The following NRXN1 variants were observed in gnomAD, a reference collection of about 807,000 sequenced individuals.
NRXN1 encodes neurexin 1, also known as neurexin-1.
Under a neutral mutation model 150.9 loss-of-function variants are expected in NRXN1, and 39 were observed. The observed-to-expected ratio is 0.26, with a 90% CI of 0.20 to 0.34. NRXN1 has a LOEUF of 0.34. Among genes scored for constraint, NRXN1 ranks in the 10% least tolerant of loss-of-function variants. The pLI, the probability that NRXN1 is intolerant of heterozygous loss-of-function variation, is 1.00. For synonymous variants in NRXN1, 924 were observed against 757.0 expected, an observed-to-expected ratio of 1.22 and a Z score of -3.62; for missense variants, 1,815 against 1,949.9, an observed-to-expected ratio of 0.93 and a Z score of 1.30.
rs776779952 is a variant in NRXN1 at position 50,922,673 on chromosome 2, T to C, written c.805A>G (p.Met269Val). The C allele has an allele frequency of 8.7e-6, 14 of 1,610,478 alleles. No individual in the cohort carries two copies. The highest frequency in any genetic ancestry group is 1.1e-5 in the Non-Finnish European group (13 of 1,178,208). Residue 269 changes from methionine (M) to valine (V), a missense_variant, in exon 4 of 23, where the codon ATG becomes GTG. By Grantham distance (21) the Met-to-Val change is conservative. This residue lies in a region of NRXN1 where 554 missense variants were observed against 478.8 expected (regional missense o/e 1.16). Coordinates refer to ENST00000401669, the MANE Select transcript of NRXN1 (RefSeq NM_001330078.2). ...DNNVEGLAHL[M>V]MGDQGKSKGK... ...GAGCCCATACCTTGGTCGCCCATCA[T>C]CAGGTGCGCCAGACCTTGAAGGGAA...
At chr2:50,236,761 A>T in intron 18 of NRXN1, 28 bp downstream of exon 18, 1 of 1,608,560 alleles carries the variant, frequency 6.2e-7, no homozygotes, top group Non-Finnish European at 8.5e-7. Context: ...AAAAAGTAAA[A>T]GCTGAATCTT....
At chr2:50,312,613 C>A in intron 17 of NRXN1, 1 of 444,816 alleles carries the variant, frequency 2.2e-6, no homozygotes, top group South Asian at 1.6e-5. Flanking sequence ...AGGCTCTCAT[C>A]CTACACACAT....
intron 17 of NRXN1, among the ~76,000 whole-genome samples, chr2:50,262,002 T>G (rs1482920372): frequency 6.6e-6 from 1 of 151,906 alleles, no homozygotes; most frequent in Non-Finnish European, 1.5e-5. Flanking sequence ...ATTCTGAGTT[T>G]AAAATGTCAC....
intron 17 of NRXN1, among the ~76,000 whole-genome samples, chr2:50,383,983 G>C (rs970882389): frequency 1.3e-5 from 2 of 152,146 alleles, no homozygotes; most frequent in African/African-American, 4.8e-5. Context: ...CTAGATGCCT[G>C]ACCTTTGTCA....
intron 17 of NRXN1, among the ~76,000 whole-genome samples, chr2:50,437,717 T>C (rs2085567230): frequency 6.6e-6 from 1 of 152,052 alleles, no homozygotes; most frequent in African/African-American, 2.4e-5. Context: ...TTTGTGTGTG[T>C]GTGTGTGTGT....
chr2:50,251,612 C>T lies in NRXN1; in HGVS notation c.3365-14642G>A, dbSNP rs556605769. On this transcript the variant is annotated intron_variant, in intron 17 of 22. Coordinates refer to ENST00000401669, the MANE Select transcript of NRXN1 (RefSeq NM_001330078.2). ...GGTCTTTGAGGAATTGGCACACTGT[C>T]TTCCACACTGGTTGAACTAATTTAC... is the stretch of plus-strand genomic sequence containing the variant. Among the ~76,000 whole-genome samples, 8 of 152,274 alleles carry T rather than the reference C, an allele frequency of 5.3e-5. No individual in the cohort carries two copies. In the South Asian group the frequency reaches 1.5e-3, roughly 28 times the overall value.
At chr2:50,516,376 G>T (rs963215936) in intron 12 of NRXN1, among the ~76,000 whole-genome samples, 2 of 152,112 alleles carry the variant, frequency 1.3e-5, no homozygotes, top group Non-Finnish European at 2.9e-5. Context: ...TATAAGTTTT[G>T]TGCTTATTTA....
At chr2:50,421,924 C>G (rs1261969991) in intron 17 of NRXN1, among the ~76,000 whole-genome samples, 2 of 151,982 alleles carry the variant, frequency 1.3e-5, no homozygotes, top group East Asian at 3.9e-4. Flanking sequence ...TTAAATAAAC[C>G]CTTCAGTGGA....
chr2:50,614,747 A>AC (rs1444463738), intron 8 of NRXN1, among the ~76,000 whole-genome samples: 1 of 148,882 alleles, frequency 6.7e-6, no homozygotes, highest in Non-Finnish European at 1.5e-5. Context: ...AAAAAAAAAA[A>AC]AAAAAAAACT....
chr2:50,350,441 G>A (rs1456617406), intron 17 of NRXN1, among the ~76,000 whole-genome samples: 1 of 152,134 alleles, frequency 6.6e-6, no homozygotes, highest in East Asian at 1.9e-4. Context: ...TGTGAGAGCT[G>A]AAACAAGAAG....
intron 15 of NRXN1, among the ~76,000 whole-genome samples, chr2:50,493,890 T>A (rs1016531710): frequency 2.0e-5 from 3 of 152,234 alleles, no homozygotes; most frequent in Non-Finnish European, 4.4e-5. Flanking sequence ...TATATCTTAA[T>A]ACTATGTAAT....
intron 2 of NRXN1, among the ~76,000 whole-genome samples, chr2:50,973,261 C>T (rs72874529): frequency 0.02 from 2,995 of 152,180 alleles, 47 homozygotes; most frequent in East Asian, 0.087. Context: ...ACAAATCAGA[C>T]CGACTCTCTC....
chr2:50,465,574 C>A lies in NRXN1; in HGVS notation c.3245-13G>T. On this transcript the variant is annotated splice_polypyrimidine_tract_variant and intron_variant, in intron 16 of 22. Coordinates refer to ENST00000401669, the MANE Select transcript of NRXN1 (RefSeq NM_001330078.2). ...GTTGTGCTGGGCCCTGCAAAACAATCCAAAGGAAACTTGGGTTCTTTAAAA... is the reference window on the plus strand; with the variant it reads ...GTTGTGCTGGGCCCTGCAAAACAATACAAAGGAAACTTGGGTTCTTTAAAA... 6.3e-7 allele frequency: 1 copy of A among 1,594,422 alleles called. No homozygotes were observed. The highest frequency in any genetic ancestry group is 2.3e-5 in the East Asian group (1 of 44,296).
intron 17 of NRXN1, among the ~76,000 whole-genome samples, chr2:50,396,100 A>G (rs944200756): frequency 4.6e-5 from 7 of 152,172 alleles, no homozygotes; most frequent in African/African-American, 1.7e-4. Context: ...TTCTAATTCA[A>G]TATCCTAATG....
chr2:50,373,638 GAAAGAAAGAAA>G (rs2080217736), intron 17 of NRXN1, among the ~76,000 whole-genome samples: 1 of 77,504 alleles, frequency 1.3e-5, no homozygotes, highest in Non-Finnish European at 2.8e-5. Context: ...AAGAAAGAAA[GAAAGAAAGAAA>G]GAAAGAAAGA....
At chr2:50,752,291 G>T (rs1030661304) in intron 5 of NRXN1, among the ~76,000 whole-genome samples, 1 of 151,920 alleles carries the variant, frequency 6.6e-6, no homozygotes, top group Non-Finnish European at 1.5e-5. Context: ...GGCTTCTGAA[G>T]ATGGAAATAC....
chr2:50,762,624 G>C (rs963083707), intron 5 of NRXN1, among the ~76,000 whole-genome samples: 1 of 151,804 alleles, frequency 6.6e-6, no homozygotes, highest in African/African-American at 2.4e-5. Flanking sequence ...TATTCACTTA[G>C]GATAATGGCA....
chr2:50,543,024 G>C (rs2093423228), intron 9 of NRXN1, among the ~76,000 whole-genome samples: 1 of 152,060 alleles, frequency 6.6e-6, no homozygotes, highest in African/African-American at 2.4e-5. Flanking sequence ...GATAATTGAA[G>C]ACAATTGAGT....
At chr2:50,658,439 T>TGTGTGTGTGTGTGTGTGTGTGTGTGTGTG (rs1553935244) in intron 5 of NRXN1, among the ~76,000 whole-genome samples, 1 of 151,610 alleles carries the variant, frequency 6.6e-6, no homozygotes, top group Admixed American at 6.6e-5. Flanking sequence ...TGTGTGTGTG[T>TGTGTGTGTGTGTGTGTGTGTGTGTGTGTG]TTGAGGCAGG....
Sources: gnomAD v4.1 joint callset for allele counts (sites outside exome capture counted in the v4.1 genomes callset) on GRCh38, gnomAD v4.1.1 for gene constraint, gnomAD v4.1.1 regional missense constraint, MANE v1.5 for transcripts, NCBI Gene and HGNC (gene_info 2026-07-23, HGNC 2026-07-21) for gene names.